ZBBX: variants seen among roughly 807,000 people sequenced by gnomAD.
ZBBX encodes zinc finger B-box domain-containing protein 1.
Under a neutral mutation model 108.5 loss-of-function variants are expected in ZBBX, and 101 were observed. That is an observed-to-expected ratio of 0.93 (90% CI 0.79 to 1.10). The LOEUF is 1.10. Ranked by LOEUF, ZBBX falls within the 50% of genes least tolerant of loss-of-function variation. The pLI is 0.00. For synonymous variants in ZBBX, 356 were observed against 323.4 expected, an observed-to-expected ratio of 1.10 and a Z score of -1.08; for missense variants, 1,009 against 941.4, an observed-to-expected ratio of 1.07 and a Z score of -0.94.
Position 167,389,556 on chromosome 3 carries a change from T to G in ZBBX, c.-445-9151A>C, listed in dbSNP as rs1380940179. Reference sequence around the variant, plus strand: ...CTAGATCCTTGAGGAGCTGCCACACTGTCTTCCACATTGGTTGAACTAATT... The same window carrying G: ...CTAGATCCTTGAGGAGCTGCCACACGGTCTTCCACATTGGTTGAACTAATT... On this transcript the variant is annotated intron_variant, in intron 1 of 21. Transcript: ENST00000455345. 2.0e-5 allele frequency among the ~76,000 whole-genome samples: 3 copies of G among 152,198 alleles called. No individual in the cohort carries two copies. The South Asian group carries it at 6.2e-4, about 31-fold the overall frequency.
the ZBBX span, among the ~76,000 whole-genome samples, chr3:167,226,475 A>G: frequency 6.6e-6 from 1 of 151,764 alleles, no homozygotes; most frequent in African/African-American, 2.4e-5. Flanking sequence ...TAACCCAAGG[A>G]AACCTGGAAT....
chr3:167,207,129 A>G, the ZBBX span, among the ~76,000 whole-genome samples: 1 of 152,230 alleles, frequency 6.6e-6, no homozygotes, highest in Non-Finnish European at 1.5e-5. Context: ...GACATAAAGT[A>G]GGACTATATC....
Position 167,404,917 on chromosome 3 carries a change from C to T in ZBBX, c.-446+2809G>A, listed in dbSNP as rs570788129. On this transcript the variant is annotated intron_variant, in intron 1 of 21. Transcript: ENST00000455345. ...GGCCTTAATTAATGCAGAAACTGGT[C>T]GGGGGGAGTAGAATGAAGCTAATAA... is the stretch of plus-strand genomic sequence containing the variant. Among the ~76,000 whole-genome samples the T allele has an allele frequency of 1.2e-4, 18 of 152,010 alleles. No individual in the cohort carries two copies. In the Middle Eastern group the frequency reaches 0.01, roughly 86 times the overall value.
the ZBBX span, among the ~76,000 whole-genome samples, chr3:167,210,469 A>G: frequency 1.3e-5 from 2 of 152,322 alleles, no homozygotes; most frequent in African/African-American, 4.8e-5. Context: ...GGAGCTAGAG[A>G]AAGGAATAGG....
the ZBBX span, among the ~76,000 whole-genome samples, chr3:167,181,795 C>A: frequency 6.6e-6 from 1 of 152,130 alleles, no homozygotes. Context: ...ACTTGCACTC[C>A]TTTTAAATTT....
At chr3:167,211,039 G>C in the ZBBX span, among the ~76,000 whole-genome samples, 1 of 152,144 alleles carries the variant, frequency 6.6e-6, no homozygotes, top group Non-Finnish European at 1.5e-5. Context: ...GGAACAGAAG[G>C]GGTGAGTAAA....
intron 14 of ZBBX, among the ~76,000 whole-genome samples, chr3:167,316,353 A>T (rs1735450270): frequency 6.6e-6 from 1 of 152,158 alleles, no homozygotes; most frequent in Non-Finnish European, 1.5e-5. Flanking sequence ...CATTCTAGTC[A>T]TTTTCTTAAC....
chr3:167,179,815 G>C, the ZBBX span, among the ~76,000 whole-genome samples: 1 of 152,182 alleles, frequency 6.6e-6, no homozygotes, highest in Admixed American at 6.5e-5. Flanking sequence ...TTATTTTAGG[G>C]AGAATCCAAT....
chr3:167,192,505 T>G, the ZBBX span, among the ~76,000 whole-genome samples: 3 of 152,174 alleles, frequency 2.0e-5, no homozygotes, highest in African/African-American at 4.8e-5. Context: ...AATTTGAGCT[T>G]CTTTATATGT....
chr3:167,258,821 T>A (rs1238257438), intron 20 of ZBBX, among the ~76,000 whole-genome samples: 1 of 152,132 alleles, frequency 6.6e-6, no homozygotes, highest in Admixed American at 6.6e-5. Context: ...TGGTATAAAA[T>A]CTATTTGATC....
chr3:167,247,373 C>A (rs1340300659), intron 20 of ZBBX, among the ~76,000 whole-genome samples: 1 of 152,124 alleles, frequency 6.6e-6, no homozygotes, highest in Non-Finnish European at 1.5e-5. Flanking sequence ...CACCAAGCAG[C>A]CTAACTCTAG....
intron 2 of ZBBX, among the ~76,000 whole-genome samples, chr3:167,375,091 G>GT (rs1021430948): frequency 7.2e-5 from 11 of 152,164 alleles, no homozygotes; most frequent in African/African-American, 2.7e-4. Context: ...CAGGGAAAAC[G>GT]TAAGTCTAGA....
chr3:167,336,086 T>A (rs557562643), intron 9 of ZBBX, among the ~76,000 whole-genome samples: 6 of 152,138 alleles, frequency 3.9e-5, no homozygotes, highest in Admixed American at 6.5e-5. Context: ...TTATTTTTTT[T>A]AAAATATCAA....
At chr3:167,346,572 C>T (rs939629095) in intron 9 of ZBBX, among the ~76,000 whole-genome samples, 41 of 151,844 alleles carry the variant, frequency 2.7e-4, no homozygotes, top group African/African-American at 9.2e-4. Flanking sequence ...GTGTAATCAC[C>T]GTCAGCCTAG....
chr3:167,248,349 G>A (rs1242958873), intron 20 of ZBBX, among the ~76,000 whole-genome samples: 6 of 152,292 alleles, frequency 3.9e-5, no homozygotes, highest in African/African-American at 1.2e-4. Context: ...GTCTGAAATC[G>A]GGTAAAAATA....
intron 20 of ZBBX, among the ~76,000 whole-genome samples, chr3:167,275,094 A>G (rs550211913): frequency 5.3e-5 from 8 of 152,206 alleles, no homozygotes; most frequent in African/African-American, 1.7e-4. Context: ...TTTGATTTTG[A>G]TTTTCCTTTT....
At chr3:167,187,419 C>A in the ZBBX span, among the ~76,000 whole-genome samples, 2 of 152,164 alleles carry the variant, frequency 1.3e-5, no homozygotes, top group Non-Finnish European at 2.9e-5. Flanking sequence ...GCCAATTCTG[C>A]TAATGCCAGA....
chr3:167,264,090 C>T (rs192566337), intron 20 of ZBBX, among the ~76,000 whole-genome samples: 3 of 152,162 alleles, frequency 2.0e-5, no homozygotes, highest in East Asian at 3.9e-4. Flanking sequence ...ATTTTCAGTT[C>T]ATGTGTATCT....
chr3:167,369,934 C>T (rs1228000430), intron 4 of ZBBX, among the ~76,000 whole-genome samples: 7 of 151,970 alleles, frequency 4.6e-5, no homozygotes, highest in Non-Finnish European at 1.5e-5. Context: ...TGTGACCAGA[C>T]ATTAAGTGCA....
Sources: allele counts gnomAD v4.1 joint callset (sites outside exome capture counted in the v4.1 genomes callset), GRCh38; gene constraint gnomAD v4.1.1; transcripts MANE v1.5; gene names NCBI Gene and HGNC (gene_info 2026-07-23, HGNC 2026-07-21).